The following SLC14A2 variants were observed in gnomAD, a reference collection of about 807,000 sequenced individuals.
The protein encoded by SLC14A2 is solute carrier family 14 member 2.
Under a neutral mutation model 104.6 loss-of-function variants are expected in SLC14A2, and 91 were observed. That is an observed-to-expected ratio of 0.87 (90% CI 0.73 to 1.04). The LOEUF (loss-of-function observed/expected upper bound fraction) is 1.04, where lower values mean the gene tolerates loss of function less well. Among genes scored for constraint, SLC14A2 ranks in the 50% least tolerant of loss-of-function variants. SLC14A2 has a pLI of 0.00. For synonymous variants in SLC14A2, 476 were observed against 466.4 expected (o/e 1.02, Z -0.27); for missense variants, 1,189 against 1,156.0 (o/e 1.03, Z -0.41).
chr18:45,434,657 A>C (rs1366912523), intron 1 of SLC14A2, among the ~76,000 whole-genome samples: 2 of 152,204 alleles, frequency 1.3e-5, no homozygotes, highest in African/African-American at 2.4e-5. Flanking sequence ...AAGGCAATCT[A>C]TTTTATTAAG....
chr18:45,536,526 C>G (rs745950638), intron 2 of SLC14A2, among the ~76,000 whole-genome samples: 1 of 152,154 alleles, frequency 6.6e-6, no homozygotes, highest in Non-Finnish European at 1.5e-5. Context: ...CTTCACATGG[C>G]CTTCTCTGTG....
chr18:45,300,485 C>T (rs1002194260), intron 1 of SLC14A2, among the ~76,000 whole-genome samples: 11 of 151,674 alleles, frequency 7.3e-5, no homozygotes, highest in Admixed American at 5.9e-4. Context: ...TTCCATTTCA[C>T]GTGAAACTAA....
intron 1 of SLC14A2, among the ~76,000 whole-genome samples, chr18:45,304,920 A>G (rs1246612864): frequency 2.6e-5 from 4 of 152,248 alleles, no homozygotes; most frequent in Admixed American, 1.3e-4. Flanking sequence ...CATGTCTAAC[A>G]TGGCTCAAAT....
chr18:45,289,101 CTTTCT>C (rs1380857784), intron 1 of SLC14A2, among the ~76,000 whole-genome samples: 1 of 152,184 alleles, frequency 6.6e-6, no homozygotes, highest in African/African-American at 2.4e-5. Flanking sequence ...GAACAGCCAC[CTTTCT>C]TTTCTACAGG....
chr18:45,391,997 T>C (rs2085973957), intron 1 of SLC14A2, among the ~76,000 whole-genome samples: 1 of 152,250 alleles, frequency 6.6e-6, no homozygotes, highest in Non-Finnish European at 1.5e-5. Flanking sequence ...ATGAAGTCCT[T>C]GCCCATGCCT....
intron 1 of SLC14A2, among the ~76,000 whole-genome samples, chr18:45,357,361 T>G (rs916484506): frequency 2.6e-5 from 4 of 151,280 alleles, no homozygotes; most frequent in Non-Finnish European, 5.9e-5. Flanking sequence ...CCTGTAATCC[T>G]AGCAATTTGG....
rs150592950 is a variant in SLC14A2, at chr18:45,634,142, C to G, written c.650+1664C>G. ...CACCCTGGGCTCTGTGCTACTACTC[C>G]AGTGCATTCATCAATCCATTTATGG... On this transcript the variant is annotated intron_variant, in intron 5 of 19. Coordinates refer to ENST00000255226, the MANE Select transcript of SLC14A2 (RefSeq NM_007163.4). 3.6e-4 allele frequency among the ~76,000 whole-genome samples: 55 copies of G among 152,298 alleles called. No individual in the cohort carries two copies. In the East Asian group the frequency reaches 7.7e-3, roughly 21 times the overall value.
At chr18:45,201,009 T>C in the SLC14A2 span, among the ~76,000 whole-genome samples, 2 of 152,144 alleles carry the variant, frequency 1.3e-5, no homozygotes, top group East Asian at 3.8e-4. Context: ...GCTATGACAG[T>C]TTCTCAGACT....
At chr18:45,173,749 T>C in the SLC14A2 span, among the ~76,000 whole-genome samples, 1 of 152,104 alleles carries the variant, frequency 6.6e-6, no homozygotes, top group Non-Finnish European at 1.5e-5. Flanking sequence ...CTTTAGATGC[T>C]TAGAAATGAA....
chr18:45,676,515 G>A (rs931506911), intron 18 of SLC14A2, among the ~76,000 whole-genome samples: 4 of 151,836 alleles, frequency 2.6e-5, no homozygotes, highest in Non-Finnish European at 5.9e-5. Flanking sequence ...TACACGGGTG[G>A]TTTTCAACCA....
intron 1 of SLC14A2, among the ~76,000 whole-genome samples, chr18:45,371,476 A>C (rs1169036087): frequency 6.6e-6 from 1 of 152,340 alleles, no homozygotes; most frequent in East Asian, 1.9e-4. Context: ...TAATCCTTAT[A>C]CAATCTATTG....
At chr18:45,675,586 C>G (rs977513352) in intron 18 of SLC14A2, among the ~76,000 whole-genome samples, 6 of 151,386 alleles carry the variant, frequency 4.0e-5, no homozygotes, top group Non-Finnish European at 5.9e-5. Context: ...ATGATCACGG[C>G]TCACTGCAGC....
intron 2 of SLC14A2, among the ~76,000 whole-genome samples, chr18:45,538,358 G>C (rs1334805494): frequency 6.6e-6 from 1 of 152,160 alleles, no homozygotes; most frequent in African/African-American, 2.4e-5. Context: ...TAATTACATG[G>C]GACAAAACCT....
intron 11 of SLC14A2, 68 bp from the exon 12 acceptor site, chr18:45,666,069 G>C: frequency 9.4e-7 from 1 of 1,064,100 alleles, no homozygotes; most frequent in Non-Finnish European, 1.5e-6. Context: ...AGCCTTGCAG[G>C]ACATTAGCTT....
chr18:45,301,755 T>C (rs1244233946), intron 1 of SLC14A2, among the ~76,000 whole-genome samples: 2 of 152,232 alleles, frequency 1.3e-5, no homozygotes, highest in African/African-American at 4.8e-5. Context: ...TAACATCAAT[T>C]GCTCTGTTGG....
At chr18:45,374,478 G>A (rs2246646) in intron 1 of SLC14A2, among the ~76,000 whole-genome samples, 8,573 of 152,208 alleles carry the variant, frequency 0.056, 455 homozygotes, top group African/African-American at 0.14. Flanking sequence ...TGGGGTTCCA[G>A]TTAAATATCT....
intron 1 of SLC14A2, among the ~76,000 whole-genome samples, chr18:45,344,117 T>G (rs1462695335): frequency 6.6e-6 from 1 of 152,166 alleles, no homozygotes; most frequent in East Asian, 1.9e-4. Context: ...ATCATTGTCA[T>G]TATATTATTA....
rs1195696928 is a variant in SLC14A2 at position 45,414,758 on chromosome 18, ATATATATAT to A, written c.-124-68474_-124-68466del. ...GGCACCGAGCGTAAAAAAAAAAAAA[ATATATATAT>A]ATATATATATATATATATATATATA... On this transcript the variant is annotated intron_variant, in intron 1 of 20. Transcript: ENST00000586448. 2.4e-4 allele frequency among the ~76,000 whole-genome samples: 12 copies of A among 50,084 alleles called. 1 individual carries two copies. Among genetic ancestry groups the A allele is most frequent in the South Asian group, 1.9e-3 (2 of 1,052 alleles). The allele number at this position is 50,084 out of a possible 152,430, so 32.9% of individuals were successfully genotyped here.
intron 1 of SLC14A2, among the ~76,000 whole-genome samples, chr18:45,307,417 CAA>C (rs71373705): frequency 1.4e-4 from 8 of 57,420 alleles, no homozygotes; most frequent in African/African-American, 2.1e-4. Context: ...GACTCCATCT[CAA>C]AAAAAAAAAA....
Sources: gnomAD v4.1 joint callset for allele counts (sites outside exome capture counted in the v4.1 genomes callset) on GRCh38, gnomAD v4.1.1 for gene constraint, MANE v1.5 for transcripts, NCBI Gene and HGNC (gene_info 2026-07-23, HGNC 2026-07-21) for gene names.